The following UNC5A variants were observed in gnomAD, a reference collection of about 807,000 sequenced individuals.
UNC5A encodes the protein unc-5 netrin receptor A.
In UNC5A, 20 loss-of-function variants were observed where a neutral mutation model predicts 87.4. The ratio of observed to expected loss-of-function variants is 0.23; its 90% CI spans 0.16 to 0.33. UNC5A has a LOEUF of 0.33. Among genes scored for constraint, UNC5A ranks in the 10% least tolerant of loss-of-function variants. The probability of loss-of-function intolerance (pLI) is 1.00; values close to 1 mark genes in which losing one functional copy is unlikely to be tolerated. For missense variants in UNC5A, 844 were observed against 1,133.4 expected (o/e 0.74, Z 3.67); for synonymous variants, 438 against 482.3 (o/e 0.91, Z 1.20).
chr5:176,827,493 T>C (rs982784128), intron 1 of UNC5A, among the ~76,000 whole-genome samples: 9 of 152,216 alleles, frequency 5.9e-5, no homozygotes, highest in Non-Finnish European at 1.2e-4. Flanking sequence ...TTCATTCCTT[T>C]TTGTGGTTAA....
In UNC5A at chr5:176,869,376, C is replaced by T. The variant is rs1758055354; in HGVS notation, c.721+412C>T. Among the ~76,000 whole-genome samples the T allele has an allele frequency of 1.3e-5, 2 of 152,200 alleles. No individual in the cohort carries two copies. The highest frequency in any genetic ancestry group is 4.8e-5 in the African/African-American group (2 of 41,530). On this transcript the variant is annotated intron_variant, in intron 5 of 14. Coordinates refer to ENST00000329542, the MANE Select transcript of UNC5A (RefSeq NM_133369.3). The surrounding 1 kb of genome is among the most constrained non-coding windows in gnomAD (Gnocchi z 9.1). ...CTGGGCTGCAGGAGTGTGTGAGCCG[C>T]GGTTCAGCCTGGCTACCCCGAGTGC...
At chr5:176,826,129 A>G (rs1756847087) in intron 1 of UNC5A, among the ~76,000 whole-genome samples, 1 of 152,194 alleles carries the variant, frequency 6.6e-6, no homozygotes. Context: ...CATGCATAGA[A>G]GCCACCTCTG....
chr5:176,870,432 C>A lies in UNC5A; in HGVS notation c.784C>A (p.Arg262=). ...SACGLDCTHW[R]SRECSDPAPR... ...CTGTGGGCTGGACTGCACCCACTGG[C>A]GGAGCCGTGAGTGCTCTGACCCAGC... The change falls in exon 6 of 15, where the codon CGG becomes AGG. Residue 262 remains arginine, a synonymous_variant. Coordinates refer to ENST00000329542, the MANE Select transcript of UNC5A (RefSeq NM_133369.3). The A allele has an allele frequency of 6.2e-7, 1 of 1,612,136 alleles. No individual in the cohort carries two copies.
chr5:176,862,772 C>A lies in UNC5A; in HGVS notation c.219C>A (p.Ile73=). The A allele has an allele frequency of 1.9e-6, 3 of 1,613,582 alleles. No homozygotes were observed. The highest frequency in any genetic ancestry group is 2.5e-6 in the Non-Finnish European group (3 of 1,179,932). Residue 73 remains isoleucine (I), a synonymous_variant, in exon 2 of 15, where the codon ATC becomes ATA. Transcript: ENST00000329542. ...GCAAGGCCGTGCCCGCCACGCAGATCTTCTTCAAGTGCAACGGGGAGTGGG... is the reference window on the plus strand; with the variant it reads ...GCAAGGCCGTGCCCGCCACGCAGATATTCTTCAAGTGCAACGGGGAGTGGG... ...LVCKAVPATQ[I]FFKCNGEWVR... is the part of the protein sequence containing the mutation.
intron 1 of UNC5A, among the ~76,000 whole-genome samples, chr5:176,829,582 A>G (rs1455826616): frequency 7.1e-6 from 1 of 141,308 alleles, no homozygotes; most frequent in Non-Finnish European, 1.5e-5. Flanking sequence ...GGATGGATGG[A>G]TAAAGTAGGT....
rs1205702427 is a variant in UNC5A, at chr5:176,865,727, G to T, written c.293-2403G>T. On this transcript the variant is annotated intron_variant, in intron 2 of 14. Coordinates refer to ENST00000329542, the MANE Select transcript of UNC5A (RefSeq NM_133369.3). The surrounding 1 kb of genome is among the most constrained non-coding windows in gnomAD (Gnocchi z 5.3). The stretch of plus-strand genomic sequence containing the variant: ...AACGTTCTGTGGTCAGACAGGTATG[G>T]CAGGGCTCGGAGGCCCACCCAGCTC... The T allele has an allele frequency of 2.2e-6, 1 of 455,344 alleles. No individual in the cohort carries two copies. Among genetic ancestry groups the T allele is most frequent in the South Asian group, 1.6e-5 (1 of 64,502 alleles). 28.2% of individuals were successfully genotyped at this position (455,344 alleles called of 1,614,324 possible). A position where few individuals can be genotyped will look rare whatever the true frequency, so the allele number is the denominator to read the frequency against.
In UNC5A at chr5:176,824,623, G is replaced by A. The variant is rs796734822; in HGVS notation, c.70+13803G>A. Among the ~76,000 whole-genome samples the A allele has an allele frequency of 1.3e-5, 2 of 152,306 alleles. No homozygotes were observed. Among genetic ancestry groups the A allele is most frequent in the South Asian group, 4.1e-4 (2 of 4,822 alleles). ...CAAATGTCAGGCTTCTCTTGAAAAA[G>A]CAAAAGATCTGGGCTGGGCCCAGCA... On this transcript the variant is annotated intron_variant, in intron 1 of 14. Transcript: ENST00000329542. This position sits in a 1 kb window ranked among gnomAD's most constrained non-coding sequence, Gnocchi z 4.2.
rs1291403210 is a variant in UNC5A at position 176,875,386 on chromosome 5, T to C, written c.1378+820T>C. 6.6e-6 allele frequency among the ~76,000 whole-genome samples: 1 copy of C among 150,850 alleles called. No individual in the cohort carries two copies. The highest frequency in any genetic ancestry group is 2.4e-5 in the African/African-American group (1 of 41,188). On this transcript the variant is annotated intron_variant, in intron 8 of 14. Transcript: ENST00000329542. This position sits in a 1 kb window ranked among gnomAD's most constrained non-coding sequence, Gnocchi z 5.2. ...CCCTCCCCCAGAGCCTCCCCATTCCTGGCTTCCCCCAGTTCACGGATCGTC... is the reference window on the plus strand; with the variant it reads ...CCCTCCCCCAGAGCCTCCCCATTCCCGGCTTCCCCCAGTTCACGGATCGTC...
intron 1 of UNC5A, among the ~76,000 whole-genome samples, chr5:176,811,869 G>C (rs996493961): frequency 6.6e-6 from 1 of 152,142 alleles, no homozygotes; most frequent in Admixed American, 6.5e-5. Flanking sequence ...TATAACAGGG[G>C]TGTTGGAAGG....
rs1049034770 is a variant in UNC5A at position 176,841,310 on chromosome 5, G to A, written c.71-21314G>A. Among the ~76,000 whole-genome samples, 10 of 152,134 alleles carry A rather than the reference G, an allele frequency of 6.6e-5. No individual in the cohort carries two copies. The highest frequency in any genetic ancestry group is 1.9e-4 in the East Asian group (1 of 5,200). ...AGAGTGAGCCAGCCAGAGGTGAAGC[G>A]GGGACTCAGACTCAGCTCCCAGCTT... On this transcript the variant is annotated intron_variant, in intron 1 of 14. Coordinates refer to ENST00000329542, the MANE Select transcript of UNC5A (RefSeq NM_133369.3). The surrounding 1 kb of genome is among the most constrained non-coding windows in gnomAD (Gnocchi z 4.1).
chr5:176,843,951 C>T (rs1031115285), intron 1 of UNC5A, among the ~76,000 whole-genome samples: 2 of 152,204 alleles, frequency 1.3e-5, no homozygotes, highest in Non-Finnish European at 2.9e-5. Flanking sequence ...AGGCGCTCAG[C>T]GACACGTTAG....
intron 5 of UNC5A, 35 bp downstream of exon 5, chr5:176,868,999 CACTGCGG>C: frequency 1.9e-6 from 3 of 1,563,232 alleles, no homozygotes; most frequent in Non-Finnish European, 2.6e-6. Flanking sequence ...CAGGGAGAGG[CACTGCGG>C]TGCCCCTGGG....
chr5:176,867,046 C>T (rs1757991041), intron 2 of UNC5A, among the ~76,000 whole-genome samples: 1 of 152,164 alleles, frequency 6.6e-6, no homozygotes, highest in Admixed American at 6.5e-5. Flanking sequence ...GCCTCCCAGC[C>T]TGCCGGCTCA....
Position 176,868,651 on chromosome 5 carries a change from TC to T in UNC5A, c.530del (p.Pro177LeufsTer266). 1 of 1,604,308 alleles carries T rather than the reference TC, an allele frequency of 6.2e-7. No individual in the cohort carries two copies. The highest frequency in any genetic ancestry group is 8.5e-7 in the Non-Finnish European group (1 of 1,175,920). On this transcript the variant is annotated frameshift_variant, in exon 4 of 15. Transcript: ENST00000329542. LOFTEE classifies it high-confidence loss of function. The stretch of plus-strand genomic sequence containing the variant: ...CTGCCCTGCCGTCCACCGGAGGGCA[TC>T]CCTCCAGCCGAGGTGAGGGCTCCTC... ...IVLPCRPPEG[I>X]PPAEVEWLRN...
In UNC5A at chr5:176,874,021, G is replaced by T; in HGVS notation, c.940G>T (p.Val314Phe). The T allele has an allele frequency of 6.2e-7, 1 of 1,613,988 alleles. No homozygotes were observed. Among genetic ancestry groups the T allele is most frequent in the Non-Finnish European group, 8.5e-7 (1 of 1,179,966 alleles). ...ALYVGLIAVA[V>F]CLVLLLLVLI... ...CTATGTGGGCCTCATCGCCGTGGCC[G>T]TCTGCCTGGTCCTGCTGCTGCTTGT... The change falls in exon 7 of 15, where the codon GTC becomes TTC. Residue 314 changes from valine to phenylalanine, a missense_variant. Around this residue, in one of 3 missense-constraint regions of UNC5A, gnomAD observed 314 missense variants for 466.5 expected, o/e 0.67. Transcript: ENST00000329542. The surrounding 1 kb of genome is among the most constrained non-coding windows in gnomAD (Gnocchi z 7.6).
chr5:176,835,259 G>A (rs924026178), intron 1 of UNC5A, among the ~76,000 whole-genome samples: 1 of 152,270 alleles, frequency 6.6e-6, no homozygotes, highest in African/African-American at 2.4e-5. Context: ...ATGGGTGAAG[G>A]TGACCTTCCT....
In UNC5A at chr5:176,841,449, C is replaced by T. The variant is rs1321976995; in HGVS notation, c.71-21175C>T. 1.3e-5 allele frequency among the ~76,000 whole-genome samples: 2 copies of T among 152,210 alleles called. No individual in the cohort carries two copies. Among genetic ancestry groups the T allele is most frequent in the Non-Finnish European group, 2.9e-5 (2 of 68,038 alleles). ...GGCACAGACTGTGGAACCGGGCTGC[C>T]TGGCTGTCCCATGTGCAGCAGTGTG... On this transcript the variant is annotated intron_variant, in intron 1 of 14. Coordinates refer to ENST00000329542, the MANE Select transcript of UNC5A (RefSeq NM_133369.3). This position sits in a 1 kb window ranked among gnomAD's most constrained non-coding sequence, Gnocchi z 4.1.
At chr5:176,811,532 T>C (rs756735192) in intron 1 of UNC5A, among the ~76,000 whole-genome samples, 1 of 152,212 alleles carries the variant, frequency 6.6e-6, no homozygotes, top group Non-Finnish European at 1.5e-5. Context: ...ATAGCCTTTC[T>C]TGGCCCCTGC....
chr5:176,829,784 TGCCAG>T (rs1449949935), intron 1 of UNC5A, among the ~76,000 whole-genome samples: 2 of 151,728 alleles, frequency 1.3e-5, no homozygotes, highest in Non-Finnish European at 2.9e-5. Context: ...ACCTTGGGTG[TGCCAG>T]GCTTCTCTAC....
Sources: allele counts gnomAD v4.1 joint callset (sites outside exome capture counted in the v4.1 genomes callset), GRCh38; gene constraint gnomAD v4.1.1; regional missense constraint gnomAD v4.1.1; non-coding constraint Gnocchi (gnomAD v3.1); transcripts MANE v1.5; gene names NCBI Gene and HGNC (gene_info 2026-07-23, HGNC 2026-07-21).